EEF1A1: variants seen among roughly 807,000 people sequenced by gnomAD.
EEF1A1 encodes the protein eukaryotic translation elongation factor 1 alpha 1, also known as elongation factor 1-alpha 1.
A neutral mutation model predicts 38.5 loss-of-function variants in EEF1A1; 1 was observed. The ratio of observed to expected loss-of-function variants is 0.03; its 90% CI spans 0.01 to 0.12. The LOEUF (loss-of-function observed/expected upper bound fraction) is 0.12, where lower values mean the gene tolerates loss of function less well. Ranked by LOEUF, EEF1A1 falls within the 10% of genes least tolerant of loss-of-function variation. EEF1A1 has a pLI of 1.00. For missense variants in EEF1A1, 184 were observed against 588.3 expected (o/e 0.31, Z 7.11); for synonymous variants, 229 against 203.7 (o/e 1.12, Z -1.06).
chr6:73,520,966 G>A (rs770640963), intron 1 of EEF1A1, 34 bp downstream of exon 1: 1 of 153,172 alleles, frequency 6.5e-6, no homozygotes. Flanking sequence ...CCCGTAAAGA[G>A]GCCAGGCCCG....
rs1314616436 is a variant in EEF1A1, at chr6:73,519,870, G to C, written c.144+13C>G. 2 of 1,612,530 alleles carry C rather than the reference G, an allele frequency of 1.2e-6. No individual in the cohort carries two copies. The highest frequency in any genetic ancestry group is 1.1e-5 in the South Asian group (1 of 90,924). On this transcript the variant is annotated intron_variant, in intron 2 of 7. Transcript: ENST00000309268. ...ATTTTAGTTGATCTTTCCCTTTCTG[G>C]TATTAAACATACCTCAGCAGCCTCC...
chr6:73,515,813 CAAGCCACAGTTGTCT>C lies in EEF1A1; in HGVS notation c.*1982_*1996del, dbSNP rs1765501214. On this transcript the variant is annotated 3_prime_UTR_variant, in exon 8 of 8. Coordinates refer to ENST00000309268, the MANE Select transcript of EEF1A1 (RefSeq NM_001402.6). ...GTAATGAATACCAGCAGGTGGTGCT[CAAGCCACAGTTGTCT>C]AAGACACTGGGTTTCACAGGAAGTT... 6.6e-6 allele frequency: 1 copy of C among 152,230 alleles called. No homozygotes were observed. 9.4% of individuals were successfully genotyped at this position (152,230 alleles called of 1,614,324 possible). A position where few individuals can be genotyped will look rare whatever the true frequency, so the allele number is the denominator to read the frequency against.
Position 73,519,937 on chromosome 6 carries a change from T to C in EEF1A1, c.90A>G (p.Lys30=). The part of the protein sequence containing the change: ...KSTTTGHLIY[K]CGGIDKRTIE... ...TGGTTCTTTTGTCGATGCCACCGCA[T>C]TTATAGATCAGATGGCCAGTAGTGG... The change falls in exon 2 of 8, where the codon AAA becomes AAG. Residue 30 remains lysine, a synonymous_variant. Transcript: ENST00000309268. 1 of 1,610,580 alleles carries C rather than the reference T, an allele frequency of 6.2e-7. No individual in the cohort carries two copies. The highest frequency in any genetic ancestry group is 1.1e-5 in the South Asian group (1 of 91,058).
rs778657176 is a variant in EEF1A1 at position 73,518,807 on chromosome 6, G to A, written c.663C>T (p.Gly221=). The A allele has an allele frequency of 1.5e-5, 24 of 1,614,046 alleles. No individual in the cohort carries two copies. Among genetic ancestry groups the A allele is most frequent in the Non-Finnish European group, 2.0e-5 (24 of 1,180,046 alleles). Residue 221 remains glycine (G), a synonymous_variant, in exon 5 of 8, where the codon GGC becomes GGT. Coordinates refer to ENST00000309268, the MANE Select transcript of EEF1A1 (RefSeq NM_001402.6). ...CAAGCAGCGTGGTTCCACTGGCATT[G>A]CCATCCTTACGGGTGACTTTCCATC... ...FKGWKVTRKD[G]NASGTTLLEA...
Position 73,517,674 on chromosome 6 carries a change from T to G in EEF1A1, c.*136A>C. On this transcript the variant is annotated 3_prime_UTR_variant, in exon 8 of 8. Coordinates refer to ENST00000309268, the MANE Select transcript of EEF1A1 (RefSeq NM_001402.6). ...TCCACAAAACATTCTCCTTTCCTTC[T>G]GAAGGTTTTACGATGCATTGTTATC... 6.1e-6 allele frequency: 3 copies of G among 493,172 alleles called. No homozygotes were observed. Among genetic ancestry groups the G allele is most frequent in the Non-Finnish European group, 7.1e-6 (2 of 282,180 alleles). The allele number at this position is 493,172 out of a possible 1,614,324, so 30.5% of individuals were successfully genotyped here.
intron 1 of EEF1A1, 35 bp from the exon 2 acceptor site, chr6:73,520,091 T>G (rs989786763): frequency 1.4e-5 from 21 of 1,547,950 alleles, no homozygotes; most frequent in Middle Eastern, 2.4e-4. Context: ...AACCACTGTC[T>G]GAGGCTTGAG....
intron 6 of EEF1A1, 31 bp downstream of exon 6, chr6:73,518,323 G>C (rs748622712): frequency 6.2e-7 from 1 of 1,611,912 alleles, no homozygotes; most frequent in Non-Finnish European, 8.5e-7. Flanking sequence ...TTTAGCCTCT[G>C]CAATAAGTTA....
chr6:73,517,674 T>C lies in EEF1A1; in HGVS notation c.*136A>G. 2.0e-6 allele frequency: 1 copy of C among 493,172 alleles called. No homozygotes were observed. Among genetic ancestry groups the C allele is most frequent in the East Asian group, 3.1e-5 (1 of 32,212 alleles). 30.5% of individuals were successfully genotyped at this position (493,172 alleles called of 1,614,324 possible). Reference sequence around the variant, plus strand: ...TCCACAAAACATTCTCCTTTCCTTCTGAAGGTTTTACGATGCATTGTTATC... The same window carrying C: ...TCCACAAAACATTCTCCTTTCCTTCCGAAGGTTTTACGATGCATTGTTATC... On this transcript the variant is annotated 3_prime_UTR_variant, in exon 8 of 8. Coordinates refer to ENST00000309268, the MANE Select transcript of EEF1A1 (RefSeq NM_001402.6).
intron 3 of EEF1A1, 25 bp from the exon 4 acceptor site, chr6:73,519,253 CCT>C: frequency 6.2e-7 from 1 of 1,606,498 alleles, no homozygotes; most frequent in Non-Finnish European, 8.5e-7. Flanking sequence ...AAGACATATC[CCT>C]GTCAACTCTC....
Position 73,519,499 on chromosome 6 carries a change from G to A in EEF1A1, c.162C>T (p.Phe54=). Residue 54 remains phenylalanine, a synonymous_variant, in exon 3 of 8, where the codon TTC becomes TTT. Coordinates refer to ENST00000309268, the MANE Select transcript of EEF1A1 (RefSeq NM_001402.6). ...GTTTATCCAAGACCCAGGCATACTT[G>A]AAGGAGCCCTTTCCCATCTGTAAGG... is the stretch of plus-strand genomic sequence containing the variant. ...KEAAEMGKGS[F]KYAWVLDKLK... 6.3e-7 allele frequency: 1 copy of A among 1,596,496 alleles called. No homozygotes were observed. Among genetic ancestry groups the A allele is most frequent in the Middle Eastern group, 1.7e-4 (1 of 6,042 alleles).
Position 73,516,707 on chromosome 6 carries a change from C to T in EEF1A1, c.*1103G>A, listed in dbSNP as rs1258355714. 6.6e-6 allele frequency: 1 copy of T among 151,850 alleles called. No individual in the cohort carries two copies. The highest frequency in any genetic ancestry group is 2.4e-5 in the African/African-American group (1 of 41,306). The allele number at this position is 151,850 out of a possible 1,614,324, so 9.4% of individuals were successfully genotyped here. On this transcript the variant is annotated 3_prime_UTR_variant, in exon 8 of 8. Coordinates refer to ENST00000309268, the MANE Select transcript of EEF1A1 (RefSeq NM_001402.6). ...AAAAAAAAACCTTTAGACACTTTTACATATGGGAGGTCAGGCACAGTGGCT... is the reference window on the plus strand; with the variant it reads ...AAAAAAAAACCTTTAGACACTTTTATATATGGGAGGTCAGGCACAGTGGCT...
At chr6:73,519,580 C>T (rs1348989359) in intron 2 of EEF1A1, 64 bp from the exon 3 acceptor site, 6 of 1,498,130 alleles carry the variant, frequency 4.0e-6, no homozygotes, top group Non-Finnish European at 5.4e-6. Context: ...ATTTCCTTGT[C>T]CCCAGCCCTT....
Position 73,518,726 on chromosome 6 carries a change from C to G in EEF1A1, c.744G>C (p.Leu248=), listed in dbSNP as rs1323802568. 5.6e-6 allele frequency: 9 copies of G among 1,614,110 alleles called. No homozygotes were observed. The highest frequency in any genetic ancestry group is 1.1e-5 in the South Asian group (1 of 91,072). ...CAATTTTGTAGACATCCTGGAGAGG[C>G]AGGCGCAAGGGCTTGTCAGTTGGAC... The part of the protein sequence containing the change: ...PTRPTDKPLR[L]PLQDVYKIGG... Residue 248 remains leucine (L), a synonymous_variant, in exon 5 of 8, where the codon CTG becomes CTC. Coordinates refer to ENST00000309268, the MANE Select transcript of EEF1A1 (RefSeq NM_001402.6).
intron 2 of EEF1A1, 151 bp downstream of exon 2, chr6:73,519,732 G>T (rs562869644): frequency 1.6e-6 from 2 of 1,233,816 alleles, no homozygotes; most frequent in Non-Finnish European, 2.2e-6. Flanking sequence ...TACGATTACA[G>T]AAGTCACCAA....
chr6:73,519,877 A>T lies in EEF1A1; in HGVS notation c.144+6T>A, dbSNP rs372237769. ...TTGATCTTTCCCTTTCTGGTATTAA[A>T]CATACCTCAGCAGCCTCCTTCTCAA... On this transcript the variant is annotated splice_donor_region_variant and intron_variant, in intron 2 of 7. Coordinates refer to ENST00000309268, the MANE Select transcript of EEF1A1 (RefSeq NM_001402.6). 1.5e-5 allele frequency: 24 copies of T among 1,612,828 alleles called. No homozygotes were observed. The highest frequency in any genetic ancestry group is 2.7e-5 in the African/African-American group (2 of 74,886).
intron 1 of EEF1A1, chr6:73,520,279 G>C: frequency 2.3e-6 from 1 of 430,710 alleles, no homozygotes. Context: ...CGAGGTGCCT[G>C]GACGGCGCCC....
At position 73,517,145 on chromosome 6, in the gene EEF1A1, C is replaced by T. The variant is rs1443888849; in HGVS notation, c.*665G>A. 1 of 152,258 alleles carries T rather than the reference C, an allele frequency of 6.6e-6. No homozygotes were observed. Among genetic ancestry groups the T allele is most frequent in the Non-Finnish European group, 1.5e-5 (1 of 68,116 alleles). 9.4% of individuals were successfully genotyped at this position (152,258 alleles called of 1,614,324 possible). A position where few individuals can be genotyped will look rare whatever the true frequency, so the allele number is the denominator to read the frequency against. On this transcript the variant is annotated 3_prime_UTR_variant, in exon 8 of 8. Coordinates refer to ENST00000309268, the MANE Select transcript of EEF1A1 (RefSeq NM_001402.6). ...AAATAGTCAACTTTCACTGCCCAGT[C>T]ATTTTAACCCACGTTTCAACATGCA...
At position 73,519,349 on chromosome 6, in the gene EEF1A1, T is replaced by C. The variant is rs11556662; in HGVS notation, c.312A>G (p.Thr104=). ...GHRDFIKNMI[T]GTSQADCAVL... ...TAATCCCACCAACCTGAGATGTCCC[T>C]GTAATCATGTTTTTGATAAAGTCTC... The change falls in exon 3 of 8, where the codon ACA becomes ACG. Residue 104 remains threonine, a synonymous_variant. Transcript: ENST00000309268. 2 of 1,612,666 alleles carry C rather than the reference T, an allele frequency of 1.2e-6. No individual in the cohort carries two copies. The highest frequency in any genetic ancestry group is 1.3e-5 in the African/African-American group (1 of 74,910).
In EEF1A1 at chr6:73,517,452, G is replaced by T; in HGVS notation, c.*358C>A. On this transcript the variant is annotated 3_prime_UTR_variant, in exon 8 of 8. Transcript: ENST00000309268. ...ACATTTTCAAGAAGTTTCCAGATTCGTAAAACCAGAATTAGATGTCTTTCA... is the reference window on the plus strand; with the variant it reads ...ACATTTTCAAGAAGTTTCCAGATTCTTAAAACCAGAATTAGATGTCTTTCA... 1 of 200,566 alleles carries T rather than the reference G, an allele frequency of 5.0e-6. No homozygotes were observed. The highest frequency in any genetic ancestry group is 1.3e-4 in the South Asian group (1 of 7,692). 12.4% of individuals were successfully genotyped at this position (200,566 alleles called of 1,614,324 possible).
Sources: gnomAD v4.1 joint callset for allele counts on GRCh38, gnomAD v4.1.1 for gene constraint, MANE v1.5 for transcripts, NCBI Gene and HGNC (gene_info 2026-07-23, HGNC 2026-07-21) for gene names.